MAN1C1: variants seen among roughly 807,000 people sequenced by gnomAD.
MAN1C1 encodes mannosidase alpha class 1C member 1.
MAN1C1 carries 49 observed loss-of-function variants against 71.5 expected under a neutral mutation model. The observed-to-expected ratio is 0.69, with a 90% CI of 0.54 to 0.87. The LOEUF (loss-of-function observed/expected upper bound fraction) is 0.87, where lower values mean the gene tolerates loss of function less well. Ranked by LOEUF, MAN1C1 falls within the 40% of genes least tolerant of loss-of-function variation. The pLI is 0.00. For synonymous variants in MAN1C1, 352 were observed against 343.7 expected, an observed-to-expected ratio of 1.02 and a Z score of -0.27; for missense variants, 743 against 835.0, an observed-to-expected ratio of 0.89 and a Z score of 1.36.
chr1:25,744,481 C>T (rs1236647246), intron 2 of MAN1C1, among the ~76,000 whole-genome samples: 1 of 152,132 alleles, frequency 6.6e-6, no homozygotes, highest in Non-Finnish European at 1.5e-5. Context: ...CCTTGGCGAA[C>T]TCCCTTCTGG....
chr1:25,643,262 A>ATTTT (rs2045562536), intron 1 of MAN1C1, among the ~76,000 whole-genome samples: 1 of 150,748 alleles, frequency 6.6e-6, no homozygotes, highest in South Asian at 2.1e-4. Context: ...TAATTTATTT[A>ATTTT]CTTACCTTTG....
chr1:25,694,982 C>T (rs2046351482), intron 2 of MAN1C1, among the ~76,000 whole-genome samples: 1 of 152,206 alleles, frequency 6.6e-6, no homozygotes, highest in South Asian at 2.1e-4. Flanking sequence ...CCAAACATTA[C>T]ATTTTTTTTC....
intron 5 of MAN1C1, among the ~76,000 whole-genome samples, chr1:25,754,514 T>C (rs541070243): frequency 1.3e-5 from 2 of 151,474 alleles, no homozygotes; most frequent in East Asian, 2.0e-4. Context: ...TGTGAACTCA[T>C]TGGAATCTCA....
chr1:25,677,580 G>A (rs2046087015), intron 1 of MAN1C1, among the ~76,000 whole-genome samples: 1 of 152,018 alleles, frequency 6.6e-6, no homozygotes, highest in Non-Finnish European at 1.5e-5. Context: ...TGTAGCTCTG[G>A]CCCTTTCCCC....
chr1:25,758,506 C>A, intron 5 of MAN1C1, 86 bp from the exon 6 acceptor site: 3 of 1,129,352 alleles, frequency 2.7e-6, no homozygotes, highest in Non-Finnish European at 4.0e-6. Flanking sequence ...ATAGTAGGTG[C>A]CCCCACCGAG....
chr1:25,697,686 G>A (rs1267603678), intron 2 of MAN1C1, among the ~76,000 whole-genome samples: 1 of 152,120 alleles, frequency 6.6e-6, no homozygotes, highest in East Asian at 1.9e-4. Flanking sequence ...TAAGAGTTAC[G>A]AACACTTCAG....
intron 1 of MAN1C1, among the ~76,000 whole-genome samples, chr1:25,625,994 C>T (rs749324111): frequency 5.9e-5 from 9 of 152,108 alleles, no homozygotes; most frequent in South Asian, 2.1e-4. Flanking sequence ...TTTGTTTATT[C>T]GTTCACCTGT....
chr1:25,666,926 C>G (rs1572134143), intron 1 of MAN1C1, among the ~76,000 whole-genome samples: 3 of 142,460 alleles, frequency 2.1e-5, no homozygotes. Flanking sequence ...TGTGCCCTGC[C>G]TATGGCAGGG....
intron 1 of MAN1C1, among the ~76,000 whole-genome samples, chr1:25,682,759 T>C (rs2786878): frequency 0.95 from 145,357 of 152,236 alleles, 69,479 homozygotes; most frequent in East Asian, 1. Flanking sequence ...TACCACTGGC[T>C]GGGCACGGTG....
intron 1 of MAN1C1, among the ~76,000 whole-genome samples, chr1:25,662,537 C>A (rs2045863524): frequency 6.7e-6 from 1 of 149,898 alleles, no homozygotes; most frequent in Non-Finnish European, 1.5e-5. Flanking sequence ...AAACGTTCCT[C>A]CCCAGAATAA....
rs1471449195 is a variant in MAN1C1 at position 25,667,467 on chromosome 1, G to A, written c.541-18973G>A. 1.4e-4 allele frequency among the ~76,000 whole-genome samples: 19 copies of A among 139,504 alleles called. No homozygotes were observed. The Admixed American group carries it at 1.4e-3, about 11-fold the overall frequency. 91.5% of individuals were successfully genotyped at this position (139,504 alleles called of 152,430 possible). The stretch of plus-strand genomic sequence containing the variant: ...GCCACTGCACTCCACCCTGGGCGAT[G>A]GAGTGAGACTCCATCTCAAAAAAAA... On this transcript the variant is annotated intron_variant, in intron 1 of 11. Transcript: ENST00000374332.
chr1:25,770,588 T>C (rs930801997), intron 7 of MAN1C1, among the ~76,000 whole-genome samples: 8 of 152,238 alleles, frequency 5.3e-5, no homozygotes, highest in African/African-American at 1.7e-4. Context: ...ACCTGGGAAA[T>C]GGGGCCGATA....
chr1:25,739,963 A>C lies in MAN1C1; in HGVS notation c.638-6705A>C, dbSNP rs540052852. Among the ~76,000 whole-genome samples the C allele has an allele frequency of 1.3e-3, 192 of 152,130 alleles. 3 individuals carry two copies. Among genetic ancestry groups the C allele is most frequent in the African/African-American group, 4.6e-3 (190 of 41,502 alleles). Reference sequence around the variant, plus strand: ...GCCCCCCTTGAAGCCCTCCCCATCCAGTTGGAGGGGGCCTTTCTTTCATTC... The same window carrying C: ...GCCCCCCTTGAAGCCCTCCCCATCCCGTTGGAGGGGGCCTTTCTTTCATTC... On this transcript the variant is annotated intron_variant, in intron 2 of 11. Transcript: ENST00000374332.
intron 2 of MAN1C1, among the ~76,000 whole-genome samples, chr1:25,719,609 A>G (rs2046736865): frequency 6.7e-6 from 1 of 149,394 alleles, no homozygotes; most frequent in South Asian, 2.1e-4. Context: ...TAAGTTTTTT[A>G]TAGAGACAGG....
At chr1:25,620,090 G>A (rs1393491473) in intron 1 of MAN1C1, among the ~76,000 whole-genome samples, 1 of 152,220 alleles carries the variant, frequency 6.6e-6, no homozygotes, top group Non-Finnish European at 1.5e-5. Flanking sequence ...TAGGGAACTT[G>A]ATTCTCCCTC....
chr1:25,779,182 CA>C lies in MAN1C1; in HGVS notation c.1477+859del, dbSNP rs2047660655. Among the ~76,000 whole-genome samples, 1 of 152,210 alleles carries C rather than the reference CA, an allele frequency of 6.6e-6. No individual in the cohort carries two copies. The highest frequency in any genetic ancestry group is 2.4e-5 in the African/African-American group (1 of 41,452). On this transcript the variant is annotated intron_variant, in intron 9 of 11. Transcript: ENST00000374332. The surrounding 1 kb of genome is among the most constrained non-coding windows in gnomAD (Gnocchi z 4.6). The stretch of plus-strand genomic sequence containing the variant: ...TTGCAGTAAAAATCCCAGGCTCAAG[CA>C]GCGCTTGACAAAATGACTGTTTTCT...
rs1233951054 is a variant in MAN1C1 at position 25,617,921 on chromosome 1, C to T, written c.124C>T (p.Leu42=). 6.2e-7 allele frequency: 1 copy of T among 1,607,286 alleles called. No individual in the cohort carries two copies. Among genetic ancestry groups the T allele is most frequent in the Non-Finnish European group, 8.5e-7 (1 of 1,177,632 alleles). ...LVTLCFGALF[L]LPHSSRLKRL... ...CACCCTGTGCTTCGGGGCCCTCTTC[C>T]TGCTGCCCCACTCCTCTCGCCTCAA... Residue 42 remains leucine (L), a synonymous_variant, in exon 1 of 12, where the codon CTG becomes TTG. Transcript: ENST00000374332. The surrounding 1 kb of genome is among the most constrained non-coding windows in gnomAD (Gnocchi z 5.1).
At chr1:25,651,177 C>A (rs2045686584) in intron 1 of MAN1C1, among the ~76,000 whole-genome samples, 1 of 152,196 alleles carries the variant, frequency 6.6e-6, no homozygotes, top group African/African-American at 2.4e-5. Flanking sequence ...TTCTAGAGCA[C>A]CAGTGGGGAA....
chr1:25,694,504 G>A (rs983261181), intron 2 of MAN1C1, among the ~76,000 whole-genome samples: 1 of 152,180 alleles, frequency 6.6e-6, no homozygotes, highest in African/African-American at 2.4e-5. Context: ...TCACAGGCTG[G>A]GAATGTTCAG....
Sources: gnomAD v4.1 joint callset for allele counts (sites outside exome capture counted in the v4.1 genomes callset) on GRCh38, gnomAD v4.1.1 for gene constraint, Gnocchi (gnomAD v3.1) non-coding constraint, MANE v1.5 for transcripts, NCBI Gene and HGNC (gene_info 2026-07-23, HGNC 2026-07-21) for gene names.